NME7: variants seen among roughly 807,000 people sequenced by gnomAD.
NME7 encodes NME/NM23 family member 7.
NME7 carries 41 observed loss-of-function variants against 49.1 expected under a neutral mutation model. The ratio of observed to expected loss-of-function variants is 0.83; its 90% confidence interval spans 0.65 to 1.08. NME7 has a LOEUF of 1.08. Ranked by LOEUF, NME7 falls within the 50% of genes least tolerant of loss-of-function variation. The pLI, the probability that NME7 is intolerant of heterozygous loss-of-function variation, is 0.00. For missense variants in NME7, 423 were observed against 463.4 expected (o/e 0.91, Z 0.80); for synonymous variants, 139 against 150.6 (o/e 0.92, Z 0.56).
At chr1:169,309,731 C>A (rs373588764) in intron 4 of NME7, among the ~76,000 whole-genome samples, 1 of 151,984 alleles carries the variant, frequency 6.6e-6, no homozygotes, top group African/African-American at 2.4e-5. Flanking sequence ...TACTCACTTT[C>A]GGTTTTGTAT....
intron 10 of NME7, among the ~76,000 whole-genome samples, chr1:169,185,794 G>A (rs146135114): frequency 8.6e-4 from 130 of 152,022 alleles, no homozygotes; most frequent in Non-Finnish European, 1.6e-3. Flanking sequence ...AATAGGTGTC[G>A]AATTGTTCAA....
intron 11 of NME7, among the ~76,000 whole-genome samples, chr1:169,147,059 C>T (rs893676083): frequency 1.3e-5 from 2 of 152,164 alleles, no homozygotes; most frequent in African/African-American, 4.8e-5. Context: ...ACGTGACCTT[C>T]TCTCATCCCC....
chr1:169,276,226 C>A (rs1649719558), intron 7 of NME7, among the ~76,000 whole-genome samples: 1 of 133,826 alleles, frequency 7.5e-6, no homozygotes, highest in African/African-American at 2.5e-5. Context: ...AGGATTCCCT[C>A]TTTTTTTATT....
chr1:169,274,709 C>T lies in NME7; in HGVS notation c.754+12594G>A, dbSNP rs868205017. 4.9e-4 allele frequency among the ~76,000 whole-genome samples: 64 copies of T among 131,076 alleles called. 4 individuals are homozygous for T. The East Asian group carries it at 8.9e-3, about 18-fold the overall frequency. The allele number at this position is 131,076 out of a possible 152,430, so 86.0% of individuals were successfully genotyped here. ...TGGCTAGCCAGTTTTCCCAGCACCA[C>T]TTATTAAATAGGGAATCCTTTTCCC... is the stretch of plus-strand genomic sequence containing the variant. On this transcript the variant is annotated intron_variant, in intron 7 of 11. Transcript: ENST00000367811.
At chr1:169,172,295 A>C (rs1036841443) in intron 10 of NME7, among the ~76,000 whole-genome samples, 2 of 151,886 alleles carry the variant, frequency 1.3e-5, no homozygotes, top group South Asian at 4.1e-4. Flanking sequence ...AAACAAAAAA[A>C]AAACAAACCC....
intron 7 of NME7, among the ~76,000 whole-genome samples, chr1:169,278,882 T>C (rs2101885027): frequency 6.6e-6 from 1 of 152,294 alleles, no homozygotes. Flanking sequence ...TTCTTTCTGT[T>C]TGTTAGTTTT....
At chr1:169,192,019 C>T (rs1460964397) in intron 10 of NME7, among the ~76,000 whole-genome samples, 1 of 152,112 alleles carries the variant, frequency 6.6e-6, no homozygotes, top group African/African-American at 2.4e-5. Context: ...GTTTTCTATG[C>T]ACAGTACATG....
At chr1:169,253,546 C>A (rs1015634799) in intron 7 of NME7, among the ~76,000 whole-genome samples, 1 of 152,054 alleles carries the variant, frequency 6.6e-6, no homozygotes, top group Non-Finnish European at 1.5e-5. Flanking sequence ...TAATTGAATA[C>A]CCTTTATTTC....
intron 6 of NME7, among the ~76,000 whole-genome samples, chr1:169,290,917 C>T (rs1254788162): frequency 6.6e-6 from 1 of 152,082 alleles, no homozygotes; most frequent in Admixed American, 6.6e-5. Flanking sequence ...AAAAAAAGCT[C>T]ATCACTGGTC....
At chr1:169,166,229 C>G (rs1403407577) in intron 11 of NME7, among the ~76,000 whole-genome samples, 2 of 151,938 alleles carry the variant, frequency 1.3e-5, no homozygotes, top group Admixed American at 6.6e-5. Flanking sequence ...TAGGTCCAAG[C>G]TATCAGAAAG....
intron 10 of NME7, among the ~76,000 whole-genome samples, chr1:169,202,978 G>C (rs1288416632): frequency 6.6e-6 from 1 of 152,096 alleles, no homozygotes; most frequent in African/African-American, 2.4e-5. Flanking sequence ...AGGCGGGCAG[G>C]GAGGGTGGGT....
intron 7 of NME7, among the ~76,000 whole-genome samples, chr1:169,243,972 A>G (rs748323141): frequency 1.3e-5 from 2 of 152,044 alleles, no homozygotes; most frequent in African/African-American, 2.4e-5. Context: ...CTAAGATTAT[A>G]TTATAATAAA....
At chr1:169,205,958 C>T (rs1208373) in intron 10 of NME7, among the ~76,000 whole-genome samples, 13,361 of 152,068 alleles carry the variant, frequency 0.088, 1,568 homozygotes, top group East Asian at 0.59. Context: ...TTGGCACTTG[C>T]TGTTCCTCCA....
intron 10 of NME7, among the ~76,000 whole-genome samples, chr1:169,203,877 G>T (rs1460962722): frequency 6.6e-6 from 1 of 152,040 alleles, no homozygotes; most frequent in African/African-American, 2.4e-5. Context: ...TTGTTTTTGA[G>T]ACAGGGTCTT....
intron 7 of NME7, among the ~76,000 whole-genome samples, chr1:169,250,483 G>A (rs1411884105): frequency 6.6e-6 from 1 of 151,918 alleles, no homozygotes; most frequent in Admixed American, 6.6e-5. Flanking sequence ...ATTTAGATCT[G>A]CTCTGATCTT....
rs1659917525 is a variant in NME7 at position 169,181,160 on chromosome 1, AT to A, written c.991-11607del. On this transcript the variant is annotated intron_variant, in intron 10 of 11. Transcript: ENST00000367811. Reference sequence around the variant, plus strand: ...TATCTATCTATCTATCTATCTATCTATCTATCTATCATCTATCTACCTACCT... The same window carrying A: ...TATCTATCTATCTATCTATCTATCTACTATCTATCATCTATCTACCTACCT... Among the ~76,000 whole-genome samples, 3 of 150,062 alleles carry A rather than the reference AT, an allele frequency of 2.0e-5. No homozygotes were observed. In the South Asian group the frequency reaches 6.3e-4, roughly 31 times the overall value.
rs145544581 is a variant in NME7 at position 169,164,996 on chromosome 1, C to T, written c.1098+4451G>A. 8.7e-4 allele frequency among the ~76,000 whole-genome samples: 133 copies of T among 152,214 alleles called. 1 individual carries two copies. Among genetic ancestry groups the T allele is most frequent in the Admixed American group, 3.1e-3 (47 of 15,288 alleles). Reference sequence around the variant, plus strand: ...TTTGATTACTCAGCTGAACATTTTACCATCAATGCTATCTTTAACACACAA... The same window carrying T: ...TTTGATTACTCAGCTGAACATTTTATCATCAATGCTATCTTTAACACACAA... On this transcript the variant is annotated intron_variant, in intron 11 of 11. Coordinates refer to ENST00000367811, the MANE Select transcript of NME7 (RefSeq NM_013330.5).
chr1:169,235,027 C>A, intron 9 of NME7, 104 bp downstream of exon 9: 1 of 515,478 alleles, frequency 1.9e-6, no homozygotes, highest in Non-Finnish European at 3.3e-6. Flanking sequence ...TATTGATTTT[C>A]AGTCTGGCCA....
chr1:169,207,699 T>C (rs1169060888), intron 10 of NME7, among the ~76,000 whole-genome samples: 1 of 152,132 alleles, frequency 6.6e-6, no homozygotes, highest in Non-Finnish European at 1.5e-5. Context: ...GAATAAGCTT[T>C]AATAACAGGA....
Sources: gnomAD v4.1 joint callset for allele counts (sites outside exome capture counted in the v4.1 genomes callset) on GRCh38, gnomAD v4.1.1 for gene constraint, MANE v1.5 for transcripts, NCBI Gene and HGNC (gene_info 2026-07-23, HGNC 2026-07-21) for gene names.